CALU: variants seen among roughly 807,000 people sequenced by gnomAD.
CALU encodes calumenin, also known as IEF SSP 9302.
In CALU, 13 loss-of-function variants were observed where a neutral mutation model predicts 37.5. The ratio of observed to expected loss-of-function variants is 0.35; its 90% CI spans 0.23 to 0.55. CALU has a LOEUF of 0.55. Ranked by LOEUF, CALU falls within the 20% of genes least tolerant of loss-of-function variation. CALU has a pLI of 0.89. For synonymous variants in CALU, 114 were observed against 133.8 expected (o/e 0.85, Z 1.02); for missense variants, 282 against 391.7 (o/e 0.72, Z 2.36).
At chr7:128,741,554 T>C (rs989594860) in intron 1 of CALU, among the ~76,000 whole-genome samples, 3 of 152,206 alleles carry the variant, frequency 2.0e-5, no homozygotes, top group African/African-American at 7.2e-5. Context: ...GATTGGATCA[T>C]ACCCTTTTTG....
At chr7:128,749,270 TCA>T (rs1385819225) in intron 2 of CALU, among the ~76,000 whole-genome samples, 5 of 152,270 alleles carry the variant, frequency 3.3e-5, no homozygotes, top group Non-Finnish European at 7.3e-5. Flanking sequence ...ATTTTCATTC[TCA>T]GATATTTGTT....
intron 5 of CALU, among the ~76,000 whole-genome samples, chr7:128,763,123 G>T (rs1387371456): frequency 6.6e-6 from 1 of 152,090 alleles, no homozygotes; most frequent in Non-Finnish European, 1.5e-5. Context: ...TGTAAACATT[G>T]AGGTATATAT....
At chr7:128,751,286 CAA>C (rs34162068) in intron 2 of CALU, among the ~76,000 whole-genome samples, 107 of 104,250 alleles carry the variant, frequency 1.0e-3, no homozygotes, top group South Asian at 1.7e-3. Flanking sequence ...GACTCCGTCT[CAA>C]AAAAAAAAAA....
rs1420903519 is a variant in CALU at position 128,769,057 on chromosome 7, T to C, written c.844-6T>C. The C allele has an allele frequency of 6.4e-7, 1 of 1,552,280 alleles. No homozygotes were observed. Among genetic ancestry groups the C allele is most frequent in the African/African-American group, 1.4e-5 (1 of 73,678 alleles). On this transcript the variant is annotated splice_region_variant and splice_polypyrimidine_tract_variant and intron_variant, in intron 6 of 6. Transcript: ENST00000249364. ...TTCTTCAATTCATTGCTATCTCTAC[T>C]TTCAGGATGGCAAGCTTACCAAGGA...
chr7:128,748,451 TAA>T, intron 1 of CALU, 120 bp from the exon 2 acceptor site: 1 of 1,201,118 alleles, frequency 8.3e-7, no homozygotes, highest in Non-Finnish European at 1.2e-6. Context: ...TGGGATAATA[TAA>T]AAGACTTGCA....
Position 128,748,606 on chromosome 7 carries a change from T to C in CALU, c.23T>C (p.Met8Thr), listed in dbSNP as rs764599761. Residue 8 changes from methionine (M) to threonine (T), a missense_variant, in exon 2 of 7, where the codon ATG becomes ACG. Coordinates refer to ENST00000249364, the MANE Select transcript of CALU (RefSeq NM_001219.5). ...ATCATGGACCTGCGACAGTTTCTTA[T>C]GTGCCTGTCCCTGTGCACAGCCTTT... MDLRQFL[M>T]CLSLCTAFAL... 6.2e-7 allele frequency: 1 copy of C among 1,614,134 alleles called. No individual in the cohort carries two copies. Among genetic ancestry groups the C allele is most frequent in the South Asian group, 1.1e-5 (1 of 91,084 alleles).
rs1473119037 is a variant in CALU, at chr7:128,772,736, A to C, written c.*3569A>C. 27 of 1,590,400 alleles carry C rather than the reference A, an allele frequency of 1.7e-5. No individual in the cohort carries two copies. In the Admixed American group the frequency reaches 4.2e-4, roughly 25 times the overall value. ...GAAAAAAGACCTTATTCTCTGTATCACCAAAGCCTTGCACAATGCTTTGTA... is the reference window on the plus strand; with the variant it reads ...GAAAAAAGACCTTATTCTCTGTATCCCCAAAGCCTTGCACAATGCTTTGTA... On this transcript the variant is annotated 3_prime_UTR_variant, in exon 7 of 7. Transcript: ENST00000249364.
intron 5 of CALU, among the ~76,000 whole-genome samples, chr7:128,763,775 C>G (rs1260385334): frequency 6.6e-6 from 1 of 152,186 alleles, no homozygotes; most frequent in Admixed American, 6.5e-5. Flanking sequence ...ACTACATTTT[C>G]TGAATGTGCT....
intron 3 of CALU, among the ~76,000 whole-genome samples, chr7:128,756,559 C>T (rs1012350665): frequency 6.6e-6 from 1 of 152,124 alleles, no homozygotes; most frequent in Non-Finnish European, 1.5e-5. Flanking sequence ...CATCATAGCT[C>T]TTAGTTAAAA....
At chr7:128,757,130 ATG>A (rs1441834912) in intron 3 of CALU, among the ~76,000 whole-genome samples, 2 of 151,994 alleles carry the variant, frequency 1.3e-5, no homozygotes, top group African/African-American at 4.8e-5. Context: ...TTATATATAT[ATG>A]TGCATGTTGC....
In CALU at chr7:128,771,031, G is replaced by A. The variant is rs953331306; in HGVS notation, c.*1864G>A. The A allele has an allele frequency of 7.2e-5, 11 of 152,540 alleles. No individual in the cohort carries two copies. The highest frequency in any genetic ancestry group is 2.7e-4 in the African/African-American group (11 of 41,412). The allele number at this position is 152,540 out of a possible 1,614,324, so 9.4% of individuals were successfully genotyped here. On this transcript the variant is annotated 3_prime_UTR_variant, in exon 7 of 7. Transcript: ENST00000249364. ...CTCTTTTAAGTTTAGCCCCAATATA[G>A]GGTAATGGAAATTTCCTGCCCTCTG...
chr7:128,766,765 G>A (rs776155390), intron 5 of CALU, among the ~76,000 whole-genome samples: 9 of 152,054 alleles, frequency 5.9e-5, no homozygotes, highest in Non-Finnish European at 1.3e-4. Context: ...CCAGACACTA[G>A]TATTTCTAAT....
In CALU at chr7:128,754,387, A is replaced by G. The variant is rs1428200785; in HGVS notation, c.347A>G (p.His116Arg). 2 of 1,614,088 alleles carry G rather than the reference A, an allele frequency of 1.2e-6. No homozygotes were observed. Among genetic ancestry groups the G allele is most frequent in the African/African-American group, 1.3e-5 (1 of 74,924 alleles). The change falls in exon 3 of 7, where the codon CAT becomes CGT. Residue 116 changes from histidine to arginine, a missense_variant. Transcript: ENST00000249364. ...GATGTAGAGCGACAGTGGAAGGGGC[A>G]TGACCTCAATGAGGACGGCCTCGTT... ...YEDVERQWKGHDLNEDGLVSW... is the reference protein window; with the variant it reads ...YEDVERQWKGRDLNEDGLVSW...
chr7:128,745,880 C>G (rs1302545120), intron 1 of CALU, among the ~76,000 whole-genome samples: 1 of 152,134 alleles, frequency 6.6e-6, no homozygotes. Context: ...TATTAAAGTT[C>G]ACTTTCACAC....
At chr7:128,741,694 T>C (rs142615361) in intron 1 of CALU, among the ~76,000 whole-genome samples, 2 of 152,340 alleles carry the variant, frequency 1.3e-5, no homozygotes, top group East Asian at 3.9e-4. Context: ...AACTACCAAA[T>C]TCTCAACAGT....
chr7:128,754,489 T>C (rs767336502), intron 3 of CALU, 34 bp downstream of exon 3: 5 of 1,605,764 alleles, frequency 3.1e-6, no homozygotes, highest in Non-Finnish European at 4.3e-6. Context: ...AAAAGCCTTG[T>C]GGAGCTGGCA....
At chr7:128,754,001 A>G (rs2128879878) in intron 2 of CALU, among the ~76,000 whole-genome samples, 1 of 152,362 alleles carries the variant, frequency 6.6e-6, no homozygotes, top group South Asian at 2.1e-4. Context: ...CCTGAATTCT[A>G]ACCATAGGCT....
Position 128,748,635 on chromosome 7 carries a change from T to C in CALU, c.52T>C (p.Leu18=), listed in dbSNP as rs1344510158. Residue 18 remains leucine (L), a synonymous_variant, in exon 2 of 7, where the codon TTG becomes CTG. Transcript: ENST00000249364. ...MCLSLCTAFA[L]SKPTEKKDRV... is the part of the protein sequence containing the mutation. ...CCTGTCCCTGTGCACAGCCTTTGCC[T>C]TGAGCAAACCCACAGAAAAGAAGGA... 2 of 1,614,172 alleles carry C rather than the reference T, an allele frequency of 1.2e-6. No individual in the cohort carries two copies.
chr7:128,762,886 T>C (rs1390999850), intron 5 of CALU, among the ~76,000 whole-genome samples: 1 of 152,016 alleles, frequency 6.6e-6, no homozygotes, highest in African/African-American at 2.4e-5. Context: ...AGGGTGATCT[T>C]GAACTCCTGG....
Sources: allele counts gnomAD v4.1 joint callset (sites outside exome capture counted in the v4.1 genomes callset), GRCh38; gene constraint gnomAD v4.1.1; transcripts MANE v1.5; gene names NCBI Gene and HGNC (gene_info 2026-07-23, HGNC 2026-07-21).